GRM1: variants seen among roughly 807,000 people sequenced by gnomAD.
GRM1 encodes the protein metabotropic glutamate receptor 1.
GRM1 carries 33 observed loss-of-function variants against 90.9 expected under a neutral mutation model. The ratio of observed to expected loss-of-function variants is 0.36; its 90% CI spans 0.28 to 0.49. The LOEUF is 0.49. Among genes scored for constraint, GRM1 ranks in the 20% least tolerant of loss-of-function variants. GRM1 has a pLI of 0.99. For synonymous variants in GRM1, 700 were observed against 613.2 expected (o/e 1.14, Z -2.09); for missense variants, 1,190 against 1,534.3 (o/e 0.78, Z 3.75).
At chr6:146,307,923 A>T (rs2114933853) in intron 3 of GRM1, among the ~76,000 whole-genome samples, 1 of 152,336 alleles carries the variant, frequency 6.6e-6, no homozygotes, top group African/African-American at 2.4e-5. Flanking sequence ...TTTCATGTAA[A>T]GTACACATCA....
chr6:146,363,719 G>A (rs1400532721), intron 5 of GRM1, among the ~76,000 whole-genome samples: 1 of 152,154 alleles, frequency 6.6e-6, no homozygotes, highest in Non-Finnish European at 1.5e-5. Flanking sequence ...AATGGATGAT[G>A]TCCTCAAGGA....
In GRM1 at chr6:146,042,209, A is replaced by G. The variant is rs1403095534; in HGVS notation, c.700+11992A>G. 1.2e-4 allele frequency among the ~76,000 whole-genome samples: 19 copies of G among 152,020 alleles called. 1 individual carries two copies. Among genetic ancestry groups the G allele is most frequent in the Non-Finnish European group, 8.8e-5 (6 of 67,948 alleles). On this transcript the variant is annotated intron_variant, in intron 1 of 7. Transcript: ENST00000282753. ...TTTGGGGGACGTTCAGACCATAGCA[A>G]GTAGCCTCCACTTCCTCCTAGCTCT...
intron 1 of GRM1, among the ~76,000 whole-genome samples, chr6:146,098,144 A>G (rs1406955425): frequency 6.6e-6 from 1 of 152,224 alleles, no homozygotes; most frequent in African/African-American, 2.4e-5. Flanking sequence ...ATTGTACCAA[A>G]TTAGTCTTCA....
intron 1 of GRM1, among the ~76,000 whole-genome samples, chr6:146,156,274 C>CTGCT: frequency 6.6e-6 from 1 of 152,258 alleles, no homozygotes; most frequent in East Asian, 1.9e-4. Flanking sequence ...GGTGTGGTGG[C>CTGCT]ACATACCTGT....
intron 7 of GRM1, among the ~76,000 whole-genome samples, chr6:146,401,500 A>T (rs904367575): frequency 6.6e-6 from 1 of 152,218 alleles, no homozygotes; most frequent in Non-Finnish European, 1.5e-5. Flanking sequence ...GGAAGAAATA[A>T]GAGGAAAGAA....
At chr6:146,155,539 G>T (rs1017027138) in intron 1 of GRM1, among the ~76,000 whole-genome samples, 2 of 152,170 alleles carry the variant, frequency 1.3e-5, no homozygotes, top group African/African-American at 4.8e-5. Flanking sequence ...TGAGATAAAA[G>T]CATGGGGAAT....
intron 2 of GRM1, among the ~76,000 whole-genome samples, chr6:146,193,092 C>A (rs1300261954): frequency 6.6e-6 from 1 of 151,970 alleles, no homozygotes; most frequent in African/African-American, 2.4e-5. Flanking sequence ...GATGAGGATG[C>A]CCCTAAGTGG....
At chr6:146,183,208 A>G (rs1052943929) in intron 2 of GRM1, among the ~76,000 whole-genome samples, 1 of 152,146 alleles carries the variant, frequency 6.6e-6, no homozygotes, top group Admixed American at 6.5e-5. Context: ...TCCTTCCTTT[A>G]AAAGAAGGAC....
At chr6:146,088,827 G>C (rs562056815) in intron 1 of GRM1, among the ~76,000 whole-genome samples, 1 of 152,042 alleles carries the variant, frequency 6.6e-6, no homozygotes. Flanking sequence ...GTTTTCCCTT[G>C]TCCCCACATC....
intron 1 of GRM1, among the ~76,000 whole-genome samples, chr6:146,099,301 C>T (rs1487415534): frequency 1.3e-5 from 2 of 152,186 alleles, no homozygotes; most frequent in Non-Finnish European, 2.9e-5. Context: ...CCTGGAGAAT[C>T]ACCTGAACCT....
chr6:146,375,802 G>A (rs1045143637), intron 5 of GRM1, among the ~76,000 whole-genome samples: 1 of 151,856 alleles, frequency 6.6e-6, no homozygotes, highest in Non-Finnish European at 1.5e-5. Context: ...TGTGTTTTTT[G>A]TAGGCAGCAG....
At chr6:146,060,291 A>G (rs887729215) in intron 1 of GRM1, among the ~76,000 whole-genome samples, 3 of 151,616 alleles carry the variant, frequency 2.0e-5, no homozygotes, top group Non-Finnish European at 4.4e-5. Context: ...GTGTAGGTTT[A>G]TTATATAGGT....
intron 1 of GRM1, among the ~76,000 whole-genome samples, chr6:146,083,066 T>C (rs1776417900): frequency 6.6e-6 from 1 of 152,174 alleles, no homozygotes; most frequent in South Asian, 2.1e-4. Context: ...CAAATGCTTG[T>C]GGTTTTTGCA....
chr6:146,067,081 A>C (rs1775873958), intron 1 of GRM1, among the ~76,000 whole-genome samples: 1 of 152,224 alleles, frequency 6.6e-6, no homozygotes, highest in Non-Finnish European at 1.5e-5. Context: ...AACCCATTTT[A>C]GTTAATATTT....
At chr6:146,406,867 A>G (rs1562676158) in intron 7 of GRM1, among the ~76,000 whole-genome samples, 1 of 152,078 alleles carries the variant, frequency 6.6e-6, no homozygotes, top group Admixed American at 6.6e-5. Context: ...AACAAAAAGA[A>G]TAAAGGAGAA....
At chr6:146,384,433 TCAAA>T (rs1199476559) in intron 5 of GRM1, among the ~76,000 whole-genome samples, 2 of 152,042 alleles carry the variant, frequency 1.3e-5, no homozygotes, top group Non-Finnish European at 2.9e-5. Context: ...AAACTATTCC[TCAAA>T]CAGTGACTAT....
At chr6:146,099,344 T>C (rs991894142) in intron 1 of GRM1, among the ~76,000 whole-genome samples, 2 of 152,128 alleles carry the variant, frequency 1.3e-5, no homozygotes, top group Non-Finnish European at 2.9e-5. Flanking sequence ...CCAAGATCAC[T>C]CCAGTGTGGG....
At chr6:146,167,551 A>G (rs1777953829) in intron 2 of GRM1, among the ~76,000 whole-genome samples, 1 of 152,138 alleles carries the variant, frequency 6.6e-6, no homozygotes, top group South Asian at 2.1e-4. Context: ...TCACCAAAAT[A>G]GTATTGTCAG....
chr6:146,370,003 C>T (rs951622486), intron 5 of GRM1, among the ~76,000 whole-genome samples: 42 of 151,980 alleles, frequency 2.8e-4, no homozygotes, highest in African/African-American at 1.0e-3. Flanking sequence ...TTTGGGTGCT[C>T]TGATGTTGGA....
Sources: allele counts gnomAD v4.1 joint callset (sites outside exome capture counted in the v4.1 genomes callset), GRCh38; gene constraint gnomAD v4.1.1; transcripts MANE v1.5; gene names NCBI Gene and HGNC (gene_info 2026-07-23, HGNC 2026-07-21).